BMERB1: variants seen among roughly 807,000 people sequenced by gnomAD.
BMERB1 encodes the protein bMERB domain containing 1, also known as bMERB domain-containing protein 1.
A neutral mutation model predicts 23.6 loss-of-function variants in BMERB1; 12 were observed. The ratio of observed to expected loss-of-function variants is 0.51; its 90% CI spans 0.33 to 0.82. The LOEUF is 0.82. Among genes scored for constraint, BMERB1 ranks in the 40% least tolerant of loss-of-function variants. BMERB1 has a pLI of 0.03. For missense variants in BMERB1, 247 were observed against 255.4 expected, an observed-to-expected ratio of 0.97 and a Z score of 0.22; for synonymous variants, 122 against 96.6, an observed-to-expected ratio of 1.26 and a Z score of -1.54.
At chr16:15,502,024 A>G (rs1221755996) in intron 1 of BMERB1, among the ~76,000 whole-genome samples, 1 of 152,116 alleles carries the variant, frequency 6.6e-6, no homozygotes, top group Non-Finnish European at 1.5e-5. Flanking sequence ...TCTCTCTTTT[A>G]TGACCCCCGA....
intron 1 of BMERB1, among the ~76,000 whole-genome samples, chr16:15,480,882 G>A (rs143025744): frequency 0.012 from 1,801 of 152,038 alleles, 14 homozygotes; most frequent in Non-Finnish European, 0.021. Flanking sequence ...AAAGTGCTGG[G>A]ATTACAAGCA....
intron 2 of BMERB1, among the ~76,000 whole-genome samples, chr16:15,531,549 G>C (rs2051967195): frequency 6.6e-6 from 1 of 152,176 alleles, no homozygotes; most frequent in South Asian, 2.1e-4. Flanking sequence ...CAGCAACAAT[G>C]ACAGAGACGG....
chr16:15,563,714 TAC>T (rs2030490127), intron 2 of BMERB1, among the ~76,000 whole-genome samples: 1 of 152,026 alleles, frequency 6.6e-6, no homozygotes, highest in African/African-American at 2.4e-5. Flanking sequence ...AGGGAGGTGC[TAC>T]ACACACTTAA....
At chr16:15,543,753 C>G (rs2052107638) in intron 2 of BMERB1, among the ~76,000 whole-genome samples, 1 of 152,056 alleles carries the variant, frequency 6.6e-6, no homozygotes, top group African/African-American at 2.4e-5. Flanking sequence ...CCTGAGAGGT[C>G]AAGGCTGCAG....
intron 1 of BMERB1, among the ~76,000 whole-genome samples, chr16:15,455,281 G>A (rs543600776): frequency 1.4e-5 from 2 of 146,660 alleles, no homozygotes; most frequent in African/African-American, 2.5e-5. Context: ...CCGAGATGGC[G>A]CAACTGCACT....
chr16:15,514,926 C>T (rs2051727157), intron 1 of BMERB1, among the ~76,000 whole-genome samples: 1 of 151,878 alleles, frequency 6.6e-6, no homozygotes, highest in South Asian at 2.1e-4. Flanking sequence ...AAAAAATATA[C>T]AACAAATTAG....
rs2031199051 is a variant in BMERB1 at position 15,588,093 on chromosome 16, A to AC, written c.*1266dup. The AC allele has an allele frequency of 6.6e-6, 1 of 152,068 alleles. No homozygotes were observed. The highest frequency in any genetic ancestry group is 2.4e-5 in the African/African-American group (1 of 41,394). The allele number at this position is 152,068 out of a possible 1,614,324, so 9.4% of individuals were successfully genotyped here. On this transcript the variant is annotated 3_prime_UTR_variant, in exon 6 of 6. Transcript: ENST00000300006. ...AAAAAAATTATTCCTCCAACTAGAG[A>AC]CCACTCTGATGTTTCGACGTTTTAA... is the stretch of plus-strand genomic sequence containing the variant.
At chr16:15,558,621 C>T (rs1432242057) in intron 2 of BMERB1, among the ~76,000 whole-genome samples, 3 of 151,832 alleles carry the variant, frequency 2.0e-5, no homozygotes, top group South Asian at 2.1e-4. Flanking sequence ...CAACCATTAC[C>T]GTAGTCACAT....
intron 1 of BMERB1, among the ~76,000 whole-genome samples, chr16:15,437,147 G>C (rs1174041133): frequency 6.6e-6 from 1 of 152,108 alleles, no homozygotes; most frequent in Non-Finnish European, 1.5e-5. Flanking sequence ...TATTGAGATA[G>C]TCACAGAACA....
At chr16:15,483,676 G>C (rs1260663066) in intron 1 of BMERB1, among the ~76,000 whole-genome samples, 2 of 152,096 alleles carry the variant, frequency 1.3e-5, no homozygotes, top group East Asian at 1.9e-4. Context: ...CACCGTGCCT[G>C]GCCAGAAAAA....
intron 2 of BMERB1, among the ~76,000 whole-genome samples, chr16:15,553,032 G>C (rs529101188): frequency 2.0e-5 from 3 of 152,168 alleles, no homozygotes; most frequent in African/African-American, 7.2e-5. Context: ...TTTTGAGATG[G>C]AGTCTCACTC....
chr16:15,556,833 C>T (rs2030273478), intron 2 of BMERB1, among the ~76,000 whole-genome samples: 1 of 152,214 alleles, frequency 6.6e-6, no homozygotes, highest in South Asian at 2.1e-4. Context: ...ATCCGCCCTC[C>T]TCGGCCTCCC....
intron 1 of BMERB1, among the ~76,000 whole-genome samples, chr16:15,456,849 G>A (rs565656426): frequency 2.0e-5 from 3 of 150,742 alleles, no homozygotes; most frequent in East Asian, 1.9e-4. Flanking sequence ...TTTTTGATGC[G>A]GAATCTCACT....
At chr16:15,507,281 T>C (rs1484284095) in intron 1 of BMERB1, among the ~76,000 whole-genome samples, 2 of 152,226 alleles carry the variant, frequency 1.3e-5, no homozygotes, top group Non-Finnish European at 2.9e-5. Context: ...TGGGTAGCCT[T>C]ACTTTTTGTT....
chr16:15,568,498 T>C (rs2030639152), intron 3 of BMERB1, among the ~76,000 whole-genome samples: 1 of 151,740 alleles, frequency 6.6e-6, no homozygotes, highest in South Asian at 2.1e-4. Flanking sequence ...ATTAGCCAGG[T>C]GTGGTGGCAC....
At chr16:15,474,635 C>T (rs2051260203) in intron 1 of BMERB1, among the ~76,000 whole-genome samples, 1 of 152,156 alleles carries the variant, frequency 6.6e-6, no homozygotes, top group Admixed American at 6.6e-5. Context: ...CTGCCTCAGC[C>T]TCCTAAAGCA....
intron 3 of BMERB1, among the ~76,000 whole-genome samples, chr16:15,572,106 T>C (rs1293635713): frequency 2.0e-5 from 3 of 152,190 alleles, no homozygotes; most frequent in Non-Finnish European, 4.4e-5. Flanking sequence ...TAAGAACTAC[T>C]ACTTTAGTAA....
At chr16:15,479,505 A>G (rs2051301726) in intron 1 of BMERB1, among the ~76,000 whole-genome samples, 1 of 152,132 alleles carries the variant, frequency 6.6e-6, no homozygotes, top group Admixed American at 6.5e-5. Flanking sequence ...GAAAATAAGA[A>G]TATTCACAAT....
chr16:15,570,152 A>G (rs923516074), intron 3 of BMERB1, among the ~76,000 whole-genome samples: 5 of 152,116 alleles, frequency 3.3e-5, no homozygotes, highest in African/African-American at 9.7e-5. Flanking sequence ...CTTGACTTGA[A>G]TGTTTTTGCC....
Sources: allele counts gnomAD v4.1 joint callset (sites outside exome capture counted in the v4.1 genomes callset), GRCh38; gene constraint gnomAD v4.1.1; transcripts MANE v1.5; gene names NCBI Gene and HGNC (gene_info 2026-07-23, HGNC 2026-07-21).